The following CCDC195 variants were observed in gnomAD, a reference collection of about 807,000 sequenced individuals.
CCDC195 encodes coiled-coil domain-containing protein 195.
At chr2:224,705,791 C>T (rs1055710655) in intron 2 of CCDC195, among the ~76,000 whole-genome samples, 3 of 152,252 alleles carry the variant, frequency 2.0e-5, no homozygotes, top group African/African-American at 7.2e-5. Context: ...GGCTTTCTTC[C>T]TTTAATACAA....
chr2:224,704,496 T>C (rs1310450915), intron 2 of CCDC195, among the ~76,000 whole-genome samples: 2 of 152,204 alleles, frequency 1.3e-5, no homozygotes, highest in Non-Finnish European at 2.9e-5. Flanking sequence ...TTCTTCATTT[T>C]TGTTCTCTTT....
chr2:224,705,464 T>A (rs1284439679), intron 2 of CCDC195, among the ~76,000 whole-genome samples: 1 of 152,216 alleles, frequency 6.6e-6, no homozygotes, highest in Non-Finnish European at 1.5e-5. Context: ...TGGCATTATT[T>A]TGTAAAATAT....
intron 2 of CCDC195, among the ~76,000 whole-genome samples, chr2:224,707,994 C>T (rs60932463): frequency 2.4e-5 from 1 of 42,390 alleles, no homozygotes; most frequent in Non-Finnish European, 4.2e-5. Context: ...CTCCCTCCCT[C>T]CCTCCCTTCC....
At position 224,714,865 on chromosome 2, in the gene CCDC195, A is replaced by G. The variant is rs16866129; in HGVS notation, c.235+1266T>C. ...GGTCTCATTAGAGAGACACATCTCT[A>G]ACTGCGAGAACCAACCGGCAAATAT... On this transcript the variant is annotated intron_variant, in intron 1 of 2. Transcript: ENST00000638102. Among the ~76,000 whole-genome samples the G allele has an allele frequency of 6.0e-3, 914 of 152,296 alleles. 7 individuals are homozygous for G. Among genetic ancestry groups the G allele is most frequent in the African/African-American group, 0.02 (832 of 41,568 alleles).
chr2:224,711,456 A>C (rs1689319287), intron 1 of CCDC195, among the ~76,000 whole-genome samples: 1 of 150,722 alleles, frequency 6.6e-6, no homozygotes. Flanking sequence ...CTTACACTGC[A>C]TTAACTCTGT....
At chr2:224,708,930 A>G (rs368294220) in intron 2 of CCDC195, among the ~76,000 whole-genome samples, 3 of 152,018 alleles carry the variant, frequency 2.0e-5, no homozygotes, top group East Asian at 3.9e-4. Flanking sequence ...AGTGTGGGAG[A>G]GAGGGGGCAG....
Position 224,711,722 on chromosome 2 carries a change from A to T in CCDC195, c.236-1503T>A, listed in dbSNP as rs889765763. ...AGTGCCAGAAGCACAATTATTTTTT[A>T]TTTATGTTTGCTGACTGCTTCTGGA... On this transcript the variant is annotated intron_variant, in intron 1 of 2. Transcript: ENST00000638102. Among the ~76,000 whole-genome samples, 9 of 152,276 alleles carry T rather than the reference A, an allele frequency of 5.9e-5. No homozygotes were observed. In the East Asian group the frequency reaches 1.5e-3, roughly 26 times the overall value.
At chr2:224,704,426 A>T (rs1574754737) in intron 2 of CCDC195, among the ~76,000 whole-genome samples, 1 of 152,146 alleles carries the variant, frequency 6.6e-6, no homozygotes, top group Admixed American at 6.5e-5. Flanking sequence ...GAATTTAGAC[A>T]TTAACCAGGA....
intron 2 of CCDC195, among the ~76,000 whole-genome samples, chr2:224,707,421 A>C (rs971491716): frequency 1.3e-5 from 2 of 152,056 alleles, no homozygotes; most frequent in Non-Finnish European, 2.9e-5. Flanking sequence ...GGGCTTCTGC[A>C]TTTGCTCTTC....
intron 2 of CCDC195, among the ~76,000 whole-genome samples, chr2:224,705,479 G>A (rs958881110): frequency 6.6e-5 from 10 of 152,068 alleles, no homozygotes; most frequent in South Asian, 2.1e-4. Flanking sequence ...AAATATTTTC[G>A]TGGTATAATA....
chr2:224,712,329 C>T (rs952855774), intron 1 of CCDC195, among the ~76,000 whole-genome samples: 16 of 152,192 alleles, frequency 1.1e-4, no homozygotes, highest in African/African-American at 2.7e-4. Context: ...ATCTTTACAG[C>T]GGCAAATTGC....
At chr2:224,708,706 G>A (rs915189217) in intron 2 of CCDC195, among the ~76,000 whole-genome samples, 3 of 152,168 alleles carry the variant, frequency 2.0e-5, no homozygotes, top group Non-Finnish European at 4.4e-5. Context: ...GTTATCTCTT[G>A]ATTTGCTTTC....
rs114974177 is a variant in CCDC195, at chr2:224,704,199, A to G, written c.483-312T>C. Among the ~76,000 whole-genome samples, 789 of 152,306 alleles carry G rather than the reference A, an allele frequency of 5.2e-3. 3 individuals carry two copies. The highest frequency in any genetic ancestry group is 8.6e-3 in the Non-Finnish European group (582 of 68,024). ...GGAAGAATATCTCATTCTTAGGCAA[A>G]AGTCTCTTGCGTCAAATCTTCAGCT... On this transcript the variant is annotated intron_variant, in intron 2 of 2. Transcript: ENST00000638102.
exon 3 of CCDC195, chr2:224,703,805 G>A (rs911358779): frequency 1.0e-5 from 4 of 398,432 alleles, no homozygotes; most frequent in African/African-American, 8.2e-5. Flanking sequence ...GCCTGATTTG[G>A]TGAGTGTTTC....
chr2:224,713,043 A>G (rs1689333382), intron 1 of CCDC195, among the ~76,000 whole-genome samples: 1 of 151,940 alleles, frequency 6.6e-6, no homozygotes, highest in Admixed American at 6.6e-5. Context: ...TAATTTTTGT[A>G]TTTTTAGTAG....
chr2:224,704,220 C>T lies in CCDC195; in HGVS notation c.483-333G>A, dbSNP rs528987708. ...GCAAAAGTCTCTTGCGTCAAATCTT[C>T]AGCTCATGAAATGAAGCAGAAACTT... On this transcript the variant is annotated intron_variant, in intron 2 of 2. Transcript: ENST00000638102. Among the ~76,000 whole-genome samples the T allele has an allele frequency of 5.3e-4, 80 of 152,298 alleles. 1 individual carries two copies. The highest frequency in any genetic ancestry group is 1.9e-3 in the African/African-American group (77 of 41,570).
intron 1 of CCDC195, among the ~76,000 whole-genome samples, chr2:224,710,977 T>G (rs1355814161): frequency 1.3e-5 from 2 of 152,158 alleles, no homozygotes; most frequent in East Asian, 3.8e-4. Flanking sequence ...ATAATAAAAA[T>G]AGACCTTAAA....
chr2:224,712,617 G>A (rs1296418598), intron 1 of CCDC195, among the ~76,000 whole-genome samples: 4 of 152,110 alleles, frequency 2.6e-5, no homozygotes, highest in Admixed American at 1.3e-4. Flanking sequence ...ACATACCAAG[G>A]AACACACGGA....
At chr2:224,708,016 C>CTTCG (rs935261621) in intron 2 of CCDC195, among the ~76,000 whole-genome samples, 1 of 118,588 alleles carries the variant, frequency 8.4e-6, no homozygotes, top group Non-Finnish European at 1.7e-5. Context: ...TCCTTTCTTC[C>CTTCG]TTCCTTCCTT....
Sources: gnomAD v4.1 joint callset for allele counts (sites outside exome capture counted in the v4.1 genomes callset) on GRCh38, gnomAD v4.1.1 for gene constraint, MANE v1.5 for transcripts, NCBI Gene and HGNC (gene_info 2026-07-23, HGNC 2026-07-21) for gene names.